The following CRB1 variants were observed in gnomAD, a reference collection of about 807,000 sequenced individuals.
The protein encoded by CRB1 is protein crumbs homolog 1.
In CRB1, 83 loss-of-function variants were observed where a neutral mutation model predicts 120.0. The observed-to-expected ratio is 0.69, with a 90% confidence interval of 0.58 to 0.83. The LOEUF (loss-of-function observed/expected upper bound fraction) is 0.83, where lower values mean the gene tolerates loss of function less well. Ranked by LOEUF, CRB1 falls within the 40% of genes least tolerant of loss-of-function variation. The pLI, the probability that CRB1 is intolerant of heterozygous loss-of-function variation, is 0.00. For synonymous variants in CRB1, 625 were observed against 612.5 expected (o/e 1.02, Z -0.30); for missense variants, 1,699 against 1,687.6 (o/e 1.01, Z -0.12).
At chr1:197,414,086 A>G (rs1035675574) in intron 5 of CRB1, 6 of 281,948 alleles carry the variant, frequency 2.1e-5, no homozygotes, top group Middle Eastern at 4.7e-4. Flanking sequence ...GTTTAATGCT[A>G]TAACAGATAT....
At chr1:197,415,427 C>T (rs1478275864) in intron 5 of CRB1, among the ~76,000 whole-genome samples, 1 of 152,022 alleles carries the variant, frequency 6.6e-6, no homozygotes, top group Non-Finnish European at 1.5e-5. Flanking sequence ...CTAAAAACCT[C>T]GTAAGTTCCC....
chr1:197,361,250 G>A (rs1015669952), intron 5 of CRB1, among the ~76,000 whole-genome samples: 26 of 147,650 alleles, frequency 1.8e-4, no homozygotes, highest in African/African-American at 6.2e-4. Flanking sequence ...AGGTAGTATT[G>A]ACCTCATAAA....
chr1:197,287,671 G>C (rs1204879838), intron 1 of CRB1, among the ~76,000 whole-genome samples: 1 of 151,704 alleles, frequency 6.6e-6, no homozygotes, highest in Non-Finnish European at 1.5e-5. Context: ...GTTTATCCAA[G>C]GATGGCTCAC....
chr1:197,471,017 GT>G (rs947328001), intron 11 of CRB1, among the ~76,000 whole-genome samples: 37 of 149,822 alleles, frequency 2.5e-4, no homozygotes, highest in African/African-American at 7.6e-4. Flanking sequence ...TGTTACATCA[GT>G]TTTTTTTTTC....
At chr1:197,251,028 T>C in the CRB1 span, among the ~76,000 whole-genome samples, 2 of 152,038 alleles carry the variant, frequency 1.3e-5, no homozygotes, top group African/African-American at 4.8e-5. Context: ...TAGCCATTTT[T>C]TATTGAACAA....
intron 1 of CRB1, among the ~76,000 whole-genome samples, chr1:197,310,167 T>G (rs1657429457): frequency 6.6e-6 from 1 of 152,182 alleles, no homozygotes; most frequent in South Asian, 2.1e-4. Flanking sequence ...ACTACATTAT[T>G]GAAAACAAAG....
intron 11 of CRB1, among the ~76,000 whole-genome samples, chr1:197,457,428 G>A (rs979285960): frequency 6.6e-6 from 1 of 152,100 alleles, no homozygotes; most frequent in Non-Finnish European, 1.5e-5. Flanking sequence ...TTGGAGCCAC[G>A]CTTTCAGATC....
At chr1:197,264,147 C>G (rs1264485257), upstream of CRB1, among the ~76,000 whole-genome samples, 2 of 152,158 alleles carry the variant, frequency 1.3e-5, no homozygotes, top group African/African-American at 2.4e-5. Context: ...CCTTCCAAGT[C>G]TCCATCATCT....
chr1:197,228,173 G>A, the CRB1 span, among the ~76,000 whole-genome samples: 1 of 152,114 alleles, frequency 6.6e-6, no homozygotes, highest in Admixed American at 6.5e-5. Context: ...CCTTGTTTTG[G>A]GGATTAACAT....
intron 1 of CRB1, among the ~76,000 whole-genome samples, chr1:197,303,289 C>A (rs1383743035): frequency 3.8e-5 from 4 of 104,232 alleles, no homozygotes; most frequent in African/African-American, 7.3e-5. Context: ...CCCCTCCCCC[C>A]ACCCCACAAC....
chr1:197,340,935 C>T (rs1191568451), intron 2 of CRB1, among the ~76,000 whole-genome samples: 1 of 152,104 alleles, frequency 6.6e-6, no homozygotes, highest in Admixed American at 6.6e-5. Context: ...GGAGGTCTCG[C>T]AATCATGGCA....
At chr1:197,470,303 A>C (rs1445946524) in intron 11 of CRB1, among the ~76,000 whole-genome samples, 1 of 152,174 alleles carries the variant, frequency 6.6e-6, no homozygotes, top group Non-Finnish European at 1.5e-5. Flanking sequence ...GCTTGAGAGA[A>C]TGAAAGCTGA....
chr1:197,388,984 G>A (rs1304071694), intron 5 of CRB1, among the ~76,000 whole-genome samples: 1 of 152,084 alleles, frequency 6.6e-6, no homozygotes, highest in African/African-American at 2.4e-5. Flanking sequence ...TTAGAGGAAT[G>A]CAAATCAAAA....
the CRB1 span, among the ~76,000 whole-genome samples, chr1:197,231,277 A>G: frequency 1.3e-5 from 2 of 152,216 alleles, no homozygotes; most frequent in Non-Finnish European, 2.9e-5. Flanking sequence ...GCCCAGTGCA[A>G]GTAGAACAGG....
intron 3 of CRB1, among the ~76,000 whole-genome samples, chr1:197,346,984 AG>A (rs1659812169): frequency 6.6e-6 from 1 of 152,168 alleles, no homozygotes; most frequent in Non-Finnish European, 1.5e-5. Context: ...AGTGCTATTT[AG>A]TAGCAACATA....
chr1:197,281,973 T>G (rs961090448), intron 1 of CRB1, among the ~76,000 whole-genome samples: 1 of 151,642 alleles, frequency 6.6e-6, no homozygotes, highest in East Asian at 2.0e-4. Context: ...ATAAAAAAAA[T>G]TATAGACTAT....
intron 5 of CRB1, among the ~76,000 whole-genome samples, chr1:197,411,175 C>T (rs1047297691): frequency 2.0e-5 from 3 of 152,106 alleles, no homozygotes; most frequent in African/African-American, 7.2e-5. Flanking sequence ...ATTGGAGTGT[C>T]CATATCTTAT....
chr1:197,391,439 G>A (rs1380104009), intron 5 of CRB1, among the ~76,000 whole-genome samples: 1 of 151,996 alleles, frequency 6.6e-6, no homozygotes, highest in Non-Finnish European at 1.5e-5. Context: ...GTATCATTTT[G>A]AAGAGTATAA....
chr1:197,227,355 G>A, the CRB1 span, among the ~76,000 whole-genome samples: 16 of 151,582 alleles, frequency 1.1e-4, no homozygotes, highest in Non-Finnish European at 1.3e-4. Flanking sequence ...ATGCAAGTTC[G>A]AAATCCAGAA....
Sources: allele counts gnomAD v4.1 joint callset (sites outside exome capture counted in the v4.1 genomes callset), GRCh38; gene constraint gnomAD v4.1.1; transcripts MANE v1.5; gene names NCBI Gene and HGNC (gene_info 2026-07-23, HGNC 2026-07-21).